The following RALGPS1 variants were observed in gnomAD, a reference collection of about 807,000 sequenced individuals.
RALGPS1 encodes ras-specific guanine nucleotide-releasing factor RalGPS1.
RALGPS1 carries 19 observed loss-of-function variants against 78.8 expected under a neutral mutation model. That is an observed-to-expected ratio of 0.24 (90% CI 0.17 to 0.35). The LOEUF is 0.35. Ranked by LOEUF, RALGPS1 falls within the 10% of genes least tolerant of loss-of-function variation. The pLI is 1.00. For missense variants in RALGPS1, 454 were observed against 688.3 expected (o/e 0.66, Z 3.81); for synonymous variants, 228 against 256.3 (o/e 0.89, Z 1.06).
intron 7 of RALGPS1, among the ~76,000 whole-genome samples, chr9:127,058,907 A>G (rs936990271): frequency 2.0e-5 from 3 of 152,186 alleles, no homozygotes; most frequent in Non-Finnish European, 4.4e-5. Context: ...TTGCAGCAGC[A>G]TTGTGAAAAT....
At chr9:127,182,368 T>TCCTTCCTTCCTCCCTC (rs1564737880) in intron 11 of RALGPS1, among the ~76,000 whole-genome samples, 1 of 66,808 alleles carries the variant, frequency 1.5e-5, no homozygotes, top group African/African-American at 6.3e-5. Flanking sequence ...CTTCCTTCCT[T>TCCTTCCTTCCTCCCTC]CCTCCCTCCC....
intron 11 of RALGPS1, among the ~76,000 whole-genome samples, chr9:127,179,237 C>T (rs886450228): frequency 6.6e-6 from 1 of 152,308 alleles, no homozygotes; most frequent in African/African-American, 2.4e-5. Context: ...ACTAGAGGGT[C>T]GAGGAGTGCC....
chr9:126,976,432 A>G (rs1216953429), intron 3 of RALGPS1, among the ~76,000 whole-genome samples: 1 of 151,934 alleles, frequency 6.6e-6, no homozygotes, highest in Non-Finnish European at 1.5e-5. Context: ...ACACACACAC[A>G]CACACACTCA....
intron 14 of RALGPS1, among the ~76,000 whole-genome samples, chr9:127,202,216 T>C (rs1314388656): frequency 6.6e-6 from 1 of 152,114 alleles, no homozygotes; most frequent in Non-Finnish European, 1.5e-5. Context: ...CTCTGGTGGG[T>C]TGAGGGCACA....
chr9:126,979,819 C>T (rs1005344128), intron 4 of RALGPS1, among the ~76,000 whole-genome samples: 3 of 152,178 alleles, frequency 2.0e-5, no homozygotes, highest in Non-Finnish European at 4.4e-5. Flanking sequence ...GGTTCTTAAT[C>T]GTGGCTGCAC....
intron 4 of RALGPS1, among the ~76,000 whole-genome samples, chr9:127,027,115 A>C (rs1300185817): frequency 6.6e-6 from 1 of 152,092 alleles, no homozygotes; most frequent in Admixed American, 6.5e-5. Context: ...GTCTAGCTTG[A>C]GACTTTCTGT....
At chr9:126,977,799 A>AT in intron 4 of RALGPS1, 54 bp downstream of exon 4, 1 of 1,326,410 alleles carries the variant, frequency 7.5e-7, no homozygotes, top group Non-Finnish European at 1.1e-6. Flanking sequence ...GGCAGCGAGG[A>AT]TTTAGCCAGC....
chr9:127,087,567 C>G (rs544180766), intron 8 of RALGPS1: 1 of 152,758 alleles, frequency 6.5e-6, no homozygotes, highest in South Asian at 2.1e-4. Flanking sequence ...GTCTCACCTT[C>G]TTGACTCATC....
intron 1 of RALGPS1, among the ~76,000 whole-genome samples, chr9:126,941,311 A>G (rs1371665848): frequency 6.6e-6 from 1 of 152,164 alleles, no homozygotes; most frequent in Non-Finnish European, 1.5e-5. Flanking sequence ...CAAAAGGAGT[A>G]TAACTGGATT....
chr9:127,093,711 G>A (rs2052761005), intron 8 of RALGPS1: 4 of 1,612,762 alleles, frequency 2.5e-6, no homozygotes, highest in Non-Finnish European at 3.4e-6. Context: ...GGGCAGCACA[G>A]ACATCCCCTG....
At chr9:127,184,249 G>A (rs1024741016) in intron 11 of RALGPS1, 8 of 520,696 alleles carry the variant, frequency 1.5e-5, no homozygotes, top group African/African-American at 5.8e-5. Flanking sequence ...GATCCCAGGA[G>A]GGGGAGGCTA....
At chr9:127,029,799 T>C (rs923598813) in intron 4 of RALGPS1, among the ~76,000 whole-genome samples, 1 of 152,150 alleles carries the variant, frequency 6.6e-6, no homozygotes, top group African/African-American at 2.4e-5. Flanking sequence ...CCAGACACGG[T>C]CAGGGTTGGG....
chr9:126,994,373 C>T (rs1303794915), intron 4 of RALGPS1, among the ~76,000 whole-genome samples: 9 of 152,038 alleles, frequency 5.9e-5, no homozygotes, highest in African/African-American at 2.2e-4. Context: ...ACGAGAGCTA[C>T]GTGATGAATG....
intron 8 of RALGPS1, among the ~76,000 whole-genome samples, chr9:127,110,488 C>T (rs1021343869): frequency 4.6e-5 from 7 of 152,182 alleles, no homozygotes; most frequent in East Asian, 3.9e-4. Context: ...CCAGAGGTCA[C>T]GTTGGTGATC....
chr9:127,029,032 C>CA (rs1437808058), intron 4 of RALGPS1, among the ~76,000 whole-genome samples: 3 of 152,074 alleles, frequency 2.0e-5, no homozygotes, highest in Non-Finnish European at 2.9e-5. Flanking sequence ...TCTAGACCCC[C>CA]AACTTCCACA....
At chr9:127,045,090 T>A (rs1021662412) in intron 5 of RALGPS1, among the ~76,000 whole-genome samples, 6 of 152,174 alleles carry the variant, frequency 3.9e-5, no homozygotes, top group African/African-American at 1.4e-4. Context: ...TATTTATTTA[T>A]TTTTTTAAGG....
At chr9:127,045,748 C>T (rs186927060) in intron 5 of RALGPS1, among the ~76,000 whole-genome samples, 4 of 104,906 alleles carry the variant, frequency 3.8e-5, no homozygotes, top group Non-Finnish European at 7.6e-5. Context: ...CACACACACA[C>T]ACACACACAC....
intron 1 of RALGPS1, among the ~76,000 whole-genome samples, chr9:126,938,814 C>T (rs1183539566): frequency 6.6e-6 from 1 of 152,112 alleles, no homozygotes. Flanking sequence ...AGGAGAAGGA[C>T]CTACCTAGGG....
At chr9:127,073,139 C>G (rs2050347430) in intron 8 of RALGPS1, among the ~76,000 whole-genome samples, 1 of 152,142 alleles carries the variant, frequency 6.6e-6, no homozygotes, top group South Asian at 2.1e-4. Context: ...ACAGTGTTAA[C>G]CATAATCACC....
Sources: allele counts gnomAD v4.1 joint callset (sites outside exome capture counted in the v4.1 genomes callset), GRCh38; gene constraint gnomAD v4.1.1; transcripts MANE v1.5; gene names NCBI Gene and HGNC (gene_info 2026-07-23, HGNC 2026-07-21).